Variants in TTC28 observed in about 807,000 individuals in gnomAD.
TTC28 encodes the protein tetratricopeptide repeat domain 28.
In TTC28, 61 loss-of-function variants were observed where a neutral mutation model predicts 198.0. That is an observed-to-expected ratio of 0.31 (90% CI 0.25 to 0.38). The LOEUF is 0.38. Among genes scored for constraint, TTC28 ranks in the 10% least tolerant of loss-of-function variants. The pLI, the probability that TTC28 is intolerant of heterozygous loss-of-function variation, is 1.00. For missense variants in TTC28, 2,678 were observed against 3,164.0 expected, an observed-to-expected ratio of 0.85 and a Z score of 3.69; for synonymous variants, 1,171 against 1,297.8, an observed-to-expected ratio of 0.90 and a Z score of 2.10.
At chr22:28,654,587 C>CA (rs1205112134) in intron 1 of TTC28, among the ~76,000 whole-genome samples, 1 of 152,222 alleles carries the variant, frequency 6.6e-6, no homozygotes, top group African/African-American at 2.4e-5. Flanking sequence ...CTCGGCCTCC[C>CA]AAAGTGCTGG....
rs35793503 is a variant in TTC28, at chr22:28,352,312, C to CATATATATATATATATATATATATATAT, written c.382-45670_382-45669insATATATATATATATATATATATATATAT. On this transcript the variant is annotated intron_variant, in intron 2 of 22. Transcript: ENST00000397906. ...AGAACCTATTAGACAGAGATATATA[C>CATATATATATATATATATATATATATAT]ATATATATATATATATATATATATC... is the stretch of plus-strand genomic sequence containing the variant. Among the ~76,000 whole-genome samples, 118 of 142,744 alleles carry CATATATATATATATATATATATATATAT rather than the reference C, an allele frequency of 8.3e-4. 3 individuals are homozygous for CATATATATATATATATATATATATATAT. Among genetic ancestry groups the CATATATATATATATATATATATATATAT allele is most frequent in the African/African-American group, 3.0e-3 (113 of 37,438 alleles). The allele number at this position is 142,744 out of a possible 152,430, so 93.6% of individuals were successfully genotyped here.
At chr22:28,547,950 T>C (rs1285392465) in intron 2 of TTC28, among the ~76,000 whole-genome samples, 1 of 151,964 alleles carries the variant, frequency 6.6e-6, no homozygotes, top group Non-Finnish European at 1.5e-5. Flanking sequence ...GAATACTAGA[T>C]ACGAAAATTG....
At chr22:28,235,458 T>A (rs1929170017) in intron 5 of TTC28, among the ~76,000 whole-genome samples, 1 of 152,218 alleles carries the variant, frequency 6.6e-6, no homozygotes, top group South Asian at 2.1e-4. Context: ...GTAAGTGAGG[T>A]TCTAGCTAAA....
intron 12 of TTC28, among the ~76,000 whole-genome samples, chr22:28,047,298 A>T (rs1025235205): frequency 1.3e-5 from 2 of 152,174 alleles, no homozygotes; most frequent in African/African-American, 2.4e-5. Flanking sequence ...CTGCCCTGCC[A>T]GGAGGGTGAG....
chr22:28,190,057 G>A (rs992263112), intron 5 of TTC28, among the ~76,000 whole-genome samples: 3 of 152,132 alleles, frequency 2.0e-5, no homozygotes, highest in Non-Finnish European at 4.4e-5. Flanking sequence ...TACATTTTAG[G>A]CATAAAGAGG....
At chr22:28,216,366 G>A (rs754316463) in intron 5 of TTC28, among the ~76,000 whole-genome samples, 1 of 152,196 alleles carries the variant, frequency 6.6e-6, no homozygotes, top group Non-Finnish European at 1.5e-5. Context: ...CCTTCAAAGA[G>A]GAGGTAAGCT....
At chr22:28,489,662 T>C (rs951058115) in intron 2 of TTC28, among the ~76,000 whole-genome samples, 2 of 152,158 alleles carry the variant, frequency 1.3e-5, no homozygotes, top group African/African-American at 4.8e-5. Context: ...GGTGCATGCC[T>C]GTAGTTCCAG....
chr22:28,121,574 T>C (rs994377076), intron 6 of TTC28, among the ~76,000 whole-genome samples: 11 of 152,242 alleles, frequency 7.2e-5, no homozygotes, highest in African/African-American at 2.7e-4. Context: ...TTTTGAATTA[T>C]TGAGATTGTA....
chr22:28,629,729 G>A lies in TTC28; in HGVS notation c.204C>T (p.Ala68=). 3 of 1,551,684 alleles carry A rather than the reference G, an allele frequency of 1.9e-6. No homozygotes were observed. The highest frequency in any genetic ancestry group is 2.6e-6 in the Non-Finnish European group (3 of 1,147,000). Residue 68 remains alanine, a synonymous_variant, in exon 2 of 23, where the codon GCC becomes GCT. Transcript: ENST00000397906. The part of the protein sequence containing the change: ...FVEKVRQSNQ[A]CHDGDFHTAI... The stretch of plus-strand genomic sequence containing the variant: ...CTGTGTGGAAATCTCCATCATGACA[G>A]GCCTGATTACTCTGACGAACTTTCT...
At chr22:28,393,607 T>A (rs1254829843) in intron 2 of TTC28, among the ~76,000 whole-genome samples, 1 of 151,972 alleles carries the variant, frequency 6.6e-6, no homozygotes, top group East Asian at 1.9e-4. Context: ...GACAGGAGGA[T>A]CATTTGAGCC....
chr22:28,628,720 G>T (rs553768334), intron 2 of TTC28, among the ~76,000 whole-genome samples: 1 of 152,060 alleles, frequency 6.6e-6, no homozygotes, highest in Non-Finnish European at 1.5e-5. Flanking sequence ...CAGGCAGATT[G>T]CTTGAGCTCA....
chr22:28,639,842 A>C (rs933660281), intron 1 of TTC28, among the ~76,000 whole-genome samples: 1 of 152,180 alleles, frequency 6.6e-6, no homozygotes, highest in Non-Finnish European at 1.5e-5. Flanking sequence ...AAGCAAACAA[A>C]ATAGATGATA....
chr22:28,104,265 G>A (rs1280990190), intron 8 of TTC28, among the ~76,000 whole-genome samples: 2 of 152,148 alleles, frequency 1.3e-5, no homozygotes, highest in Non-Finnish European at 2.9e-5. Context: ...ACTCGGGCTG[G>A]GCCCTACTCC....
chr22:28,030,223 C>G lies in TTC28; in HGVS notation c.4073+3G>C. On this transcript the variant is annotated splice_donor_region_variant and intron_variant, in intron 13 of 22. Coordinates refer to ENST00000397906, the MANE Select transcript of TTC28 (RefSeq NM_001145418.2). ...GGGCCTGGGGAAAGCGCCCCACACT[C>G]ACCTGTTAAACAGGTTATTGCGGCG... 6.4e-7 allele frequency: 1 copy of G among 1,551,618 alleles called. No homozygotes were observed. The highest frequency in any genetic ancestry group is 8.7e-7 in the Non-Finnish European group (1 of 1,146,976).
intron 2 of TTC28, among the ~76,000 whole-genome samples, chr22:28,429,732 A>C (rs769556154): frequency 2.6e-5 from 4 of 152,194 alleles, no homozygotes; most frequent in Non-Finnish European, 5.9e-5. Context: ...AGATGGTATA[A>C]TTGAATACTT....
At chr22:28,400,386 C>T (rs2046887758) in intron 2 of TTC28, among the ~76,000 whole-genome samples, 1 of 152,176 alleles carries the variant, frequency 6.6e-6, no homozygotes, top group African/African-American at 2.4e-5. Context: ...ACATATTCAC[C>T]AAGCTTTGAA....
chr22:28,593,540 G>A (rs147532647), intron 2 of TTC28, among the ~76,000 whole-genome samples: 42 of 152,140 alleles, frequency 2.8e-4, no homozygotes, highest in African/African-American at 9.6e-4. Flanking sequence ...TCAATCAATC[G>A]ATAGATGAAG....
rs1417270842 is a variant in TTC28 at position 28,451,658 on chromosome 22, A to G, written c.382-145015T>C. On this transcript the variant is annotated intron_variant, in intron 2 of 22. Transcript: ENST00000397906. ...AAGTCACAGTTTCCATGAACCTATC[A>G]ACAATGTTAAGTGAGGATTTTCCAT... is the stretch of plus-strand genomic sequence containing the variant. Among the ~76,000 whole-genome samples, 3 of 152,234 alleles carry G rather than the reference A, an allele frequency of 2.0e-5. No homozygotes were observed. In the East Asian group the frequency reaches 5.8e-4, roughly 29 times the overall value.
chr22:27,981,526 T>G lies in TTC28; in HGVS notation c.*695A>C, dbSNP rs756570987. ...ATGCCTGGATAAGAGTTACATAATTTTTTTTTTAAGAAAATTCAAGTTTGG... is the reference window on the plus strand; with the variant it reads ...ATGCCTGGATAAGAGTTACATAATTGTTTTTTTAAGAAAATTCAAGTTTGG... On this transcript the variant is annotated 3_prime_UTR_variant, in exon 23 of 23. Transcript: ENST00000397906. 1 of 152,038 alleles carries G rather than the reference T, an allele frequency of 6.6e-6. No individual in the cohort carries two copies. Among genetic ancestry groups the G allele is most frequent in the Non-Finnish European group, 1.5e-5 (1 of 68,022 alleles). 9.4% of individuals were successfully genotyped at this position (152,038 alleles called of 1,614,324 possible). A position where few individuals can be genotyped will look rare whatever the true frequency, so the allele number is the denominator to read the frequency against.
Sources: allele counts gnomAD v4.1 joint callset (sites outside exome capture counted in the v4.1 genomes callset), GRCh38; gene constraint gnomAD v4.1.1; transcripts MANE v1.5; gene names NCBI Gene and HGNC (gene_info 2026-07-23, HGNC 2026-07-21).